ATP8A2: variants seen among roughly 807,000 people sequenced by gnomAD.
ATP8A2 encodes the protein phospholipid-transporting ATPase IB.
A neutral mutation model predicts 165.6 loss-of-function variants in ATP8A2; 100 were observed. The ratio of observed to expected loss-of-function variants is 0.60; its 90% CI spans 0.51 to 0.71. The LOEUF (loss-of-function observed/expected upper bound fraction) is 0.71. Ranked by LOEUF, ATP8A2 falls within the 30% of genes least tolerant of loss-of-function variation. The pLI, the probability that ATP8A2 is intolerant of heterozygous loss-of-function variation, is 0.00. For missense variants in ATP8A2, 1,227 were observed against 1,479.5 expected (o/e 0.83, Z 2.80); for synonymous variants, 543 against 548.8 (o/e 0.99, Z 0.15).
chr13:25,841,983 T>G (rs1404654173), intron 30 of ATP8A2, among the ~76,000 whole-genome samples: 2 of 152,106 alleles, frequency 1.3e-5, no homozygotes, highest in Non-Finnish European at 1.5e-5. Flanking sequence ...GGCGCCCCCA[T>G]GACCCAAACA....
chr13:25,759,233 T>G (rs1050970905), intron 25 of ATP8A2, among the ~76,000 whole-genome samples: 1 of 152,162 alleles, frequency 6.6e-6, no homozygotes, highest in South Asian at 2.1e-4. Flanking sequence ...GGTGTAGATA[T>G]GGGATTGGTA....
chr13:25,684,451 C>T (rs1044397025), intron 24 of ATP8A2, among the ~76,000 whole-genome samples: 4 of 152,148 alleles, frequency 2.6e-5, no homozygotes, highest in African/African-American at 7.2e-5. Flanking sequence ...TTGATTCTGC[C>T]GTGTGCTCTG....
chr13:25,601,292 G>A (rs2040378425), intron 24 of ATP8A2, among the ~76,000 whole-genome samples: 1 of 150,732 alleles, frequency 6.6e-6, no homozygotes, highest in African/African-American at 2.4e-5. Context: ...TCTGATGACA[G>A]GTGGTTCGTG....
rs186091342 is a variant in ATP8A2 at position 25,878,462 on chromosome 13, A to G, written c.3183+16054A>G. On this transcript the variant is annotated intron_variant, in intron 33 of 36. Transcript: ENST00000381655. Reference sequence around the variant, plus strand: ...TTTAAGAAAGTAGAGGAATAAAAGAATGACTATTCCATAGGCAGAGCTGGT... The same window carrying G: ...TTTAAGAAAGTAGAGGAATAAAAGAGTGACTATTCCATAGGCAGAGCTGGT... Among the ~76,000 whole-genome samples, 148 of 93,346 alleles carry G rather than the reference A, an allele frequency of 1.6e-3. 1 individual carries two copies. Among genetic ancestry groups the G allele is most frequent in the African/African-American group, 7.6e-3 (146 of 19,176 alleles). 61.2% of individuals were successfully genotyped at this position (93,346 alleles called of 152,430 possible). A position where few individuals can be genotyped will look rare whatever the true frequency, so the allele number is the denominator to read the frequency against.
intron 2 of ATP8A2, among the ~76,000 whole-genome samples, chr13:25,500,428 A>G (rs964055601): frequency 1.3e-5 from 2 of 152,216 alleles, no homozygotes; most frequent in Non-Finnish European, 2.9e-5. Context: ...GTCTTAGTCA[A>G]TTAAAACAAT....
chr13:25,399,643 C>T (rs1394412341), intron 1 of ATP8A2, among the ~76,000 whole-genome samples: 1 of 143,514 alleles, frequency 7.0e-6, no homozygotes, highest in Non-Finnish European at 1.5e-5. Flanking sequence ...ACCTCGTGAT[C>T]CGCCCGCCTC....
Position 26,012,621 on chromosome 13 carries a change from G to T in ATP8A2, c.3468G>T (p.Pro1156=). The part of the protein sequence containing the change: ...FRGSSLQQGV[P]HGYAFSQEEH... ...GCAGCTCCCTGCAGCAGGGCGTCCCGCGTGAGTACCGCGGGCGGGGGCTGA... is the reference window on the plus strand; with the variant it reads ...GCAGCTCCCTGCAGCAGGGCGTCCCTCGTGAGTACCGCGGGCGGGGGCTGA... Residue 1156 remains proline (P), a splice_region_variant and synonymous_variant, in exon 36 of 37, where the codon CCG becomes CCT. Coordinates refer to ENST00000381655, the MANE Select transcript of ATP8A2 (RefSeq NM_016529.6). 1 of 1,483,348 alleles carries T rather than the reference G, an allele frequency of 6.7e-7. No homozygotes were observed. Among genetic ancestry groups the T allele is most frequent in the African/African-American group, 1.5e-5 (1 of 68,314 alleles). The allele number at this position is 1,483,348 out of a possible 1,614,324, so 91.9% of individuals were successfully genotyped here.
Position 25,521,106 on chromosome 13 carries a change from T to C in ATP8A2, c.222-8893T>C, listed in dbSNP as rs546201347. On this transcript the variant is annotated intron_variant, in intron 2 of 36. Transcript: ENST00000381655. ...TCATTATGGTTTTGATTTGCATTTT[T>C]CTGAGAATTAGTTACGTTGAGCATT... 3.2e-4 allele frequency among the ~76,000 whole-genome samples: 49 copies of C among 152,362 alleles called. 4 individuals carry two copies. The South Asian group carries it at 0.01, about 32-fold the overall frequency.
At chr13:25,993,556 C>CT (rs1269695186) in intron 35 of ATP8A2, among the ~76,000 whole-genome samples, 3 of 152,140 alleles carry the variant, frequency 2.0e-5, no homozygotes, top group Non-Finnish European at 4.4e-5. Context: ...GATCAAAGTT[C>CT]TTTTTTTCTG....
intron 28 of ATP8A2, among the ~76,000 whole-genome samples, chr13:25,832,958 A>G (rs1162614968): frequency 2.0e-5 from 3 of 151,594 alleles, no homozygotes. Flanking sequence ...CTAGAAAACA[A>G]AAGAAAAAAC....
At chr13:25,794,813 C>G (rs217873) in intron 27 of ATP8A2, among the ~76,000 whole-genome samples, 4 of 123,984 alleles carry the variant, frequency 3.2e-5, no homozygotes. Context: ...CAACGCATTC[C>G]CTCTCCTACA....
chr13:25,535,319 G>A lies in ATP8A2; in HGVS notation c.507+2006G>A, dbSNP rs376963162. ...CCTGGGCTGTAGCTGAGTCACGGGTGAGCGCCAAGAGGCAGCTCTCAGGTG... is the reference window on the plus strand; with the variant it reads ...CCTGGGCTGTAGCTGAGTCACGGGTAAGCGCCAAGAGGCAGCTCTCAGGTG... On this transcript the variant is annotated intron_variant, in intron 6 of 36. Coordinates refer to ENST00000381655, the MANE Select transcript of ATP8A2 (RefSeq NM_016529.6). Among the ~76,000 whole-genome samples the A allele has an allele frequency of 9.9e-5, 15 of 152,274 alleles. No homozygotes were observed. The East Asian group carries it at 2.7e-3, about 27-fold the overall frequency.
At chr13:26,014,003 G>T (rs896569498) in intron 36 of ATP8A2, among the ~76,000 whole-genome samples, 1 of 152,202 alleles carries the variant, frequency 6.6e-6, no homozygotes, top group African/African-American at 2.4e-5. Context: ...AAAGTGGGTG[G>T]CCCAGCATTG....
At chr13:25,985,874 G>A (rs1163038174) in intron 35 of ATP8A2, among the ~76,000 whole-genome samples, 3 of 152,230 alleles carry the variant, frequency 2.0e-5, no homozygotes, top group African/African-American at 7.2e-5. Context: ...AGATTGGGGT[G>A]GGGGTATCAC....
chr13:25,570,767 C>G lies in ATP8A2; in HGVS notation c.1474C>G (p.Pro492Ala), dbSNP rs1015253382. The change falls in exon 17 of 37, where the codon CCC (proline) becomes GCC (alanine). Residue 492 changes from proline to alanine, a missense_variant and splice_region_variant. Pro to Ala is a conservative substitution (Grantham distance 27). Transcript: ENST00000381655. ...RLLKNIEDRH[P>A]TAPCIQEFLT... ...CACTAATCCCGCCTCACGTTTGCAG[C>G]CCACAGCCCCTTGCATTCAGGAGTT... The G allele has an allele frequency of 1.9e-6, 3 of 1,612,068 alleles. No individual in the cohort carries two copies. The highest frequency in any genetic ancestry group is 2.7e-5 in the African/African-American group (2 of 74,880).
At chr13:25,544,153 A>G (rs1271271294) in intron 10 of ATP8A2, among the ~76,000 whole-genome samples, 1 of 152,252 alleles carries the variant, frequency 6.6e-6, no homozygotes, top group African/African-American at 2.4e-5. Flanking sequence ...GCTAGACCAT[A>G]TGGGTGCAAT....
intron 33 of ATP8A2, among the ~76,000 whole-genome samples, chr13:25,865,819 T>C (rs901686438): frequency 1.5e-4 from 23 of 152,222 alleles, no homozygotes; most frequent in Non-Finnish European, 2.2e-4. Context: ...TTTTTCCGTT[T>C]TTCTCTTTTG....
Position 25,771,953 on chromosome 13 carries a change from A to G in ATP8A2, c.2568+2724A>G, listed in dbSNP as rs192642301. 3.3e-5 allele frequency among the ~76,000 whole-genome samples: 5 copies of G among 152,066 alleles called. No individual in the cohort carries two copies. In the East Asian group the frequency reaches 9.7e-4, roughly 29 times the overall value. On this transcript the variant is annotated intron_variant, in intron 26 of 36. Transcript: ENST00000381655. ...TTAATGTGGATGCATTTTTTTTATTACGCTTCGGAGGAAGTACCCTCAGGG... is the reference window on the plus strand; with the variant it reads ...TTAATGTGGATGCATTTTTTTTATTGCGCTTCGGAGGAAGTACCCTCAGGG...
chr13:25,429,206 A>G (rs1207789072), intron 1 of ATP8A2, among the ~76,000 whole-genome samples: 4 of 151,904 alleles, frequency 2.6e-5, no homozygotes, highest in African/African-American at 9.7e-5. Flanking sequence ...CGTCTCTACT[A>G]AAAATACAAA....
Sources: gnomAD v4.1 joint callset for allele counts (sites outside exome capture counted in the v4.1 genomes callset) on GRCh38, gnomAD v4.1.1 for gene constraint, MANE v1.5 for transcripts, NCBI Gene and HGNC (gene_info 2026-07-23, HGNC 2026-07-21) for gene names.